The following STXBP6 variants were observed in gnomAD, a reference collection of about 807,000 sequenced individuals.
STXBP6 encodes the protein syntaxin-binding protein 6.
A neutral mutation model predicts 26.9 loss-of-function variants in STXBP6; 21 were observed. The observed-to-expected ratio is 0.78, with a 90% CI of 0.55 to 1.12. The LOEUF (loss-of-function observed/expected upper bound fraction) is 1.12. STXBP6 is among the 50% of genes most tolerant of loss of function. STXBP6 has a pLI of 0.00. For synonymous variants in STXBP6, 97 were observed against 92.6 expected (o/e 1.05, Z -0.27); for missense variants, 232 against 257.9 (o/e 0.90, Z 0.69).
At chr14:24,910,416 G>C (rs973416486) in intron 2 of STXBP6, among the ~76,000 whole-genome samples, 11 of 152,174 alleles carry the variant, frequency 7.2e-5, no homozygotes, top group South Asian at 2.1e-4. Flanking sequence ...GCAGCCTGCT[G>C]CAGTGACTGA....
At chr14:24,966,256 C>T (rs1254519285) in intron 2 of STXBP6, among the ~76,000 whole-genome samples, 2 of 152,066 alleles carry the variant, frequency 1.3e-5, no homozygotes, top group Non-Finnish European at 2.9e-5. Context: ...CGTGCTAAAC[C>T]ACTAGAAAAG....
intron 1 of STXBP6, among the ~76,000 whole-genome samples, chr14:25,045,470 AT>A (rs1410238270): frequency 6.6e-6 from 1 of 151,850 alleles, no homozygotes; most frequent in Non-Finnish European, 1.5e-5. Flanking sequence ...TAGAAACCAT[AT>A]TTTCTACCAG....
chr14:24,919,007 T>A (rs1417805266), intron 2 of STXBP6, among the ~76,000 whole-genome samples: 1 of 152,038 alleles, frequency 6.6e-6, no homozygotes. Flanking sequence ...GTGCTCAAGA[T>A]GGAAATTCTA....
At chr14:24,927,099 G>C (rs2072203165) in intron 2 of STXBP6, among the ~76,000 whole-genome samples, 1 of 152,204 alleles carries the variant, frequency 6.6e-6, no homozygotes, top group South Asian at 2.1e-4. Context: ...CATAATGGAT[G>C]AATTTCTAGT....
chr14:24,837,270 C>A (rs1472401274), intron 4 of STXBP6, among the ~76,000 whole-genome samples: 1 of 152,092 alleles, frequency 6.6e-6, no homozygotes, highest in South Asian at 2.1e-4. Context: ...AAGAACTATG[C>A]AAACTTAAAG....
chr14:25,031,613 T>C (rs935841910), intron 1 of STXBP6, among the ~76,000 whole-genome samples: 5 of 152,186 alleles, frequency 3.3e-5, no homozygotes, highest in African/African-American at 1.2e-4. Context: ...TTAATCGTCT[T>C]AGCATGAGAG....
chr14:25,010,943 CAA>C (rs1185538967), intron 1 of STXBP6, among the ~76,000 whole-genome samples: 2 of 151,398 alleles, frequency 1.3e-5, no homozygotes, highest in Non-Finnish European at 2.9e-5. Context: ...CTACCTTCAA[CAA>C]AGTCAATGAG....
At chr14:24,943,343 G>A (rs1486849047) in intron 2 of STXBP6, among the ~76,000 whole-genome samples, 1 of 152,202 alleles carries the variant, frequency 6.6e-6, no homozygotes, top group Non-Finnish European at 1.5e-5. Flanking sequence ...ACAGGCAACT[G>A]AAGGCAGGTA....
chr14:24,905,356 C>T (rs1196049604), intron 2 of STXBP6, among the ~76,000 whole-genome samples: 2 of 152,128 alleles, frequency 1.3e-5, no homozygotes, highest in East Asian at 3.9e-4. Flanking sequence ...TACCTACTTA[C>T]AGGAGTGTTA....
At chr14:25,041,741 G>A (rs745439190) in intron 1 of STXBP6, among the ~76,000 whole-genome samples, 4 of 152,204 alleles carry the variant, frequency 2.6e-5, no homozygotes, top group African/African-American at 7.2e-5. Context: ...TTCCAGAAGC[G>A]CAGTGAGTCC....
chr14:24,858,768 G>T (rs1439669936), intron 2 of STXBP6, among the ~76,000 whole-genome samples: 1 of 151,994 alleles, frequency 6.6e-6, no homozygotes, highest in East Asian at 1.9e-4. Context: ...CTGCTCTTAC[G>T]TTTTAATGTT....
chr14:24,900,570 C>T (rs1194824841), intron 2 of STXBP6, among the ~76,000 whole-genome samples: 1 of 151,462 alleles, frequency 6.6e-6, no homozygotes, highest in Non-Finnish European at 1.5e-5. Flanking sequence ...GTTGGGAAAG[C>T]TCTACACCAA....
intron 2 of STXBP6, among the ~76,000 whole-genome samples, chr14:24,888,695 C>G (rs966050554): frequency 1.3e-5 from 2 of 151,100 alleles, no homozygotes; most frequent in African/African-American, 4.9e-5. Flanking sequence ...TGTACTCCAG[C>G]CTGGTGACAG....
chr14:24,956,224 C>G (rs2073341113), intron 2 of STXBP6, among the ~76,000 whole-genome samples: 1 of 151,988 alleles, frequency 6.6e-6, no homozygotes, highest in Admixed American at 6.6e-5. Context: ...TGGAGTTACA[C>G]TGAAAAGAAG....
chr14:24,905,614 AGGAAGAGG>A (rs2071360605), intron 2 of STXBP6, among the ~76,000 whole-genome samples: 1 of 152,204 alleles, frequency 6.6e-6, no homozygotes, highest in Non-Finnish European at 1.5e-5. Context: ...CTGCCAAAGG[AGGAAGAGG>A]ACCATGAGGT....
chr14:25,040,487 C>G (rs909996445), intron 1 of STXBP6, among the ~76,000 whole-genome samples: 6 of 152,146 alleles, frequency 3.9e-5, no homozygotes, highest in African/African-American at 1.4e-4. Context: ...AGTAACAGTA[C>G]CTACCTCTGA....
intron 2 of STXBP6, among the ~76,000 whole-genome samples, chr14:24,949,479 G>A (rs1357934279): frequency 6.6e-6 from 1 of 152,086 alleles, no homozygotes; most frequent in African/African-American, 2.4e-5. Flanking sequence ...GTTCTAGATT[G>A]CTTAGAGCTC....
intron 2 of STXBP6, among the ~76,000 whole-genome samples, chr14:24,953,895 T>G (rs919677605): frequency 6.6e-6 from 1 of 152,060 alleles, no homozygotes; most frequent in Non-Finnish European, 1.5e-5. Context: ...AGCCACGGAG[T>G]GCATAAGAAA....
At position 24,886,330 on chromosome 14, in the gene STXBP6, C is replaced by T. The variant is rs147824594; in HGVS notation, c.155-29173G>A. Among the ~76,000 whole-genome samples, 1,298 of 152,230 alleles carry T rather than the reference C, an allele frequency of 8.5e-3. 20 individuals carry two copies. The highest frequency in any genetic ancestry group is 0.029 in the African/African-American group (1,216 of 41,512). On this transcript the variant is annotated intron_variant, in intron 2 of 5. Transcript: ENST00000323944. ...CCTGAGCTGCCATTTCTTATCTGTA[C>T]GATTTTGGTTGGGATACTTTATACC...
Sources: allele counts gnomAD v4.1 joint callset (sites outside exome capture counted in the v4.1 genomes callset), GRCh38; gene constraint gnomAD v4.1.1; transcripts MANE v1.5; gene names NCBI Gene and HGNC (gene_info 2026-07-23, HGNC 2026-07-21).